Variants in RBFOX1 observed in about 807,000 individuals in gnomAD.
The protein encoded by RBFOX1 is RNA binding fox-1 homolog 1, also known as RNA binding protein fox-1 homolog 1.
RBFOX1 carries 8 observed loss-of-function variants against 57.7 expected under a neutral mutation model. That is an observed-to-expected ratio of 0.14 (90% CI 0.08 to 0.25). The LOEUF (loss-of-function observed/expected upper bound fraction) is 0.25. Among genes scored for constraint, RBFOX1 ranks in the 10% least tolerant of loss-of-function variants. The pLI is 1.00. For synonymous variants in RBFOX1, 326 were observed against 222.4 expected (o/e 1.47, Z -4.15); for missense variants, 611 against 548.5 (o/e 1.11, Z -1.14).
intron 3 of RBFOX1, among the ~76,000 whole-genome samples, chr16:5,677,385 A>C (rs1417107501): frequency 2.6e-5 from 4 of 152,214 alleles, no homozygotes; most frequent in Non-Finnish European, 4.4e-5. Flanking sequence ...ATAGTCAAAG[A>C]ATTCTTAGGG....
intron 4 of RBFOX1, among the ~76,000 whole-genome samples, chr16:5,980,593 G>A (rs1364835167): frequency 1.3e-5 from 2 of 152,174 alleles, no homozygotes; most frequent in Admixed American, 6.5e-5. Context: ...ATTTCCCAGA[G>A]TTGAGGGGTC....
intron 4 of RBFOX1, among the ~76,000 whole-genome samples, chr16:5,918,625 C>T (rs2058757424): frequency 2.0e-5 from 3 of 152,196 alleles, no homozygotes. Flanking sequence ...CTAAAATTTG[C>T]AGGGTAGACA....
At chr16:5,257,364 G>A (rs1025015895) in intron 1 of RBFOX1, among the ~76,000 whole-genome samples, 4 of 152,084 alleles carry the variant, frequency 2.6e-5, no homozygotes, top group African/African-American at 9.7e-5. Flanking sequence ...TGAGAACCTG[G>A]GCAGGTTTAC....
intron 3 of RBFOX1, among the ~76,000 whole-genome samples, chr16:6,951,242 G>C (rs1229043894): frequency 6.6e-6 from 1 of 152,064 alleles, no homozygotes; most frequent in Non-Finnish European, 1.5e-5. Flanking sequence ...GAAAAGGCAT[G>C]TGAGTGAAAG....
chr16:5,908,075 T>TATATATATATATACACATATATACAC (rs2058506270), intron 4 of RBFOX1, among the ~76,000 whole-genome samples: 10 of 118,226 alleles, frequency 8.5e-5, no homozygotes, highest in South Asian at 2.9e-4. Context: ...TGTATGTATA[T>TATATATATATATACACATATATACAC]ATATATATAT....
chr16:7,700,915 C>G (rs911910861), intron 14 of RBFOX1, among the ~76,000 whole-genome samples: 2 of 152,100 alleles, frequency 1.3e-5, no homozygotes, highest in South Asian at 2.1e-4. Flanking sequence ...TGGTCTGAGT[C>G]TTTTAGATGC....
At chr16:7,526,525 A>C (rs1291206849) in intron 5 of RBFOX1, among the ~76,000 whole-genome samples, 1 of 152,110 alleles carries the variant, frequency 6.6e-6, no homozygotes, top group Non-Finnish European at 1.5e-5. Context: ...TTTTCTTCTA[A>C]ACAACTATCA....
intron 4 of RBFOX1, among the ~76,000 whole-genome samples, chr16:5,999,945 G>T (rs1437236939): frequency 2.8e-5 from 4 of 143,928 alleles, no homozygotes; most frequent in Admixed American, 7.0e-5. Flanking sequence ...AAGAAAGCAA[G>T]CATATATAAG....
intron 3 of RBFOX1, among the ~76,000 whole-genome samples, chr16:5,655,496 G>C (rs2049396328): frequency 6.6e-6 from 1 of 152,198 alleles, no homozygotes; most frequent in African/African-American, 2.4e-5. Context: ...TGAAGATGGG[G>C]TGTGGCTAGG....
intron 4 of RBFOX1, among the ~76,000 whole-genome samples, chr16:5,893,044 C>A (rs1003334976): frequency 2.6e-5 from 4 of 152,160 alleles, no homozygotes; most frequent in Admixed American, 1.3e-4. Context: ...CTTTCAGTGA[C>A]CCAACCCAGC....
chr16:6,575,760 G>T (rs556932443), intron 2 of RBFOX1, among the ~76,000 whole-genome samples: 1 of 151,786 alleles, frequency 6.6e-6, no homozygotes, highest in Non-Finnish European at 1.5e-5. Context: ...GGGAGGCTGA[G>T]GCAGGAGAAT....
rs112266928 is a variant in RBFOX1 at position 5,628,852 on chromosome 16, G to C, written c.318+29891G>C. 7.0e-3 allele frequency among the ~76,000 whole-genome samples: 1,060 copies of C among 152,316 alleles called. 10 individuals carry two copies. The highest frequency in any genetic ancestry group is 0.024 in the African/African-American group (1,002 of 41,582). On this transcript the variant is annotated intron_variant, in intron 3 of 19. Coordinates refer to the RBFOX1 transcript ENST00000641259. Reference sequence around the variant, plus strand: ...GTCTGTCCTATTCTACATGGGCTATGATGAGTGCTGTAGCATCTGACCTAA... The same window carrying C: ...GTCTGTCCTATTCTACATGGGCTATCATGAGTGCTGTAGCATCTGACCTAA...
chr16:6,339,342 G>A (rs1423508818), intron 2 of RBFOX1, among the ~76,000 whole-genome samples: 3 of 152,212 alleles, frequency 2.0e-5, no homozygotes, highest in Non-Finnish European at 4.4e-5. Context: ...GTTGCCTGAT[G>A]TGTGCAGCAA....
chr16:6,718,319 A>G (rs1045311241), intron 3 of RBFOX1, among the ~76,000 whole-genome samples: 2 of 152,210 alleles, frequency 1.3e-5, no homozygotes, highest in East Asian at 3.9e-4. Context: ...CCTTGTCTTT[A>G]GTAAATACAC....
rs59296305 is a variant in RBFOX1, at chr16:7,000,848, C to T, written c.-15-51209C>T. 4.0e-3 allele frequency among the ~76,000 whole-genome samples: 612 copies of T among 152,064 alleles called. 7 individuals are homozygous for T. Among genetic ancestry groups the T allele is most frequent in the African/African-American group, 0.014 (574 of 41,504 alleles). On this transcript the variant is annotated intron_variant, in intron 3 of 15. Transcript: ENST00000550418. ...CGATCTCCTGACCTTGTGATCCGCC[C>T]GCCTCGGCCTCCCAAAGTGCTGGGA...
At chr16:6,272,766 C>G (rs184636065) in intron 1 of RBFOX1, among the ~76,000 whole-genome samples, 1 of 151,950 alleles carries the variant, frequency 6.6e-6, no homozygotes, top group Non-Finnish European at 1.5e-5. Flanking sequence ...TGTATAGAAC[C>G]CAGAAATAGA....
chr16:5,594,969 TAAA>T (rs34885484), intron 2 of RBFOX1, among the ~76,000 whole-genome samples: 5,077 of 90,360 alleles, frequency 0.056, 143 homozygotes, highest in African/African-American at 0.097. Flanking sequence ...CTGTCTCTAC[TAAA>T]AAAAAAAAAA....
At chr16:7,135,903 A>T (rs1429583995) in intron 4 of RBFOX1, among the ~76,000 whole-genome samples, 1 of 152,226 alleles carries the variant, frequency 6.6e-6, no homozygotes, top group East Asian at 1.9e-4. Context: ...TGCATCTGGC[A>T]CACAGGTTCA....
chr16:5,534,442 A>C (rs1028278888), intron 2 of RBFOX1, among the ~76,000 whole-genome samples: 4 of 152,214 alleles, frequency 2.6e-5, no homozygotes, highest in African/African-American at 7.2e-5. Flanking sequence ...CCAACACTGC[A>C]GCCTTCAGTC....
Sources: allele counts gnomAD v4.1 joint callset (sites outside exome capture counted in the v4.1 genomes callset), GRCh38; gene constraint gnomAD v4.1.1; transcripts MANE v1.5; gene names NCBI Gene and HGNC (gene_info 2026-07-23, HGNC 2026-07-21).